CTNNA3: variants seen among roughly 807,000 people sequenced by gnomAD.
CTNNA3 encodes the protein catenin alpha 3, also known as catenin alpha-3.
A neutral mutation model predicts 95.7 loss-of-function variants in CTNNA3; 76 were observed. The ratio of observed to expected loss-of-function variants is 0.79; its 90% CI spans 0.66 to 0.96. CTNNA3 has a LOEUF of 0.96. Ranked by LOEUF, CTNNA3 falls within the 40% of genes least tolerant of loss-of-function variation. The pLI is 0.00. For synonymous variants in CTNNA3, 431 were observed against 374.4 expected, an observed-to-expected ratio of 1.15 and a Z score of -1.74; for missense variants, 1,191 against 1,089.8, an observed-to-expected ratio of 1.09 and a Z score of -1.31.
intron 5 of CTNNA3, among the ~76,000 whole-genome samples, chr10:67,438,938 G>A (rs7894396): frequency 0.086 from 13,104 of 152,170 alleles, 587 homozygotes; most frequent in Non-Finnish European, 0.099. Context: ...TCACCACTGC[G>A]GGCCAGAGAG....
At chr10:67,131,331 G>A (rs1859991611) in intron 7 of CTNNA3, among the ~76,000 whole-genome samples, 2 of 152,012 alleles carry the variant, frequency 1.3e-5, no homozygotes, top group Admixed American at 1.3e-4. Flanking sequence ...GTAAAATGGA[G>A]ACAATAATAG....
chr10:66,444,565 A>G (rs1040509362), intron 11 of CTNNA3, among the ~76,000 whole-genome samples: 4 of 152,182 alleles, frequency 2.6e-5, no homozygotes, highest in African/African-American at 9.7e-5. Context: ...TTTCATATCC[A>G]GCCAAACTAA....
chr10:67,181,758 T>C (rs962078348), intron 6 of CTNNA3, among the ~76,000 whole-genome samples: 2 of 152,088 alleles, frequency 1.3e-5, no homozygotes, highest in Non-Finnish European at 2.9e-5. Context: ...GTAGCCAGGA[T>C]ACAATTTTAA....
chr10:66,922,131 T>C (rs1042982667), intron 7 of CTNNA3, among the ~76,000 whole-genome samples: 5 of 152,214 alleles, frequency 3.3e-5, no homozygotes, highest in African/African-American at 1.2e-4. Context: ...AAATAAAAAG[T>C]CTTTAGATAC....
chr10:66,551,720 A>AGTGAATT (rs1842221209), intron 10 of CTNNA3, among the ~76,000 whole-genome samples: 1 of 151,876 alleles, frequency 6.6e-6, no homozygotes. Context: ...TAGGCATTTA[A>AGTGAATT]CTCAAGTTCC....
In CTNNA3 at chr10:66,613,491, G is replaced by A. The variant is rs578210895; in HGVS notation, c.1374+8201C>T. 7.9e-5 allele frequency among the ~76,000 whole-genome samples: 12 copies of A among 152,132 alleles called. No homozygotes were observed. The East Asian group carries it at 2.1e-3, about 27-fold the overall frequency. ...TGTAATTGGAACAAGATACAGGGCA[G>A]TGATAGGACAAAGGCACAGACATTT... On this transcript the variant is annotated intron_variant, in intron 10 of 17. Transcript: ENST00000433211.
chr10:67,760,022 G>A (rs753009310), intron 1 of CTNNA3, among the ~76,000 whole-genome samples: 9 of 152,260 alleles, frequency 5.9e-5, no homozygotes, highest in East Asian at 1.9e-4. Context: ...GTTGTTTTAC[G>A]CCACTAAGTT....
intron 5 of CTNNA3, among the ~76,000 whole-genome samples, chr10:67,249,434 T>A (rs1319676105): frequency 6.6e-6 from 1 of 152,180 alleles, no homozygotes; most frequent in African/African-American, 2.4e-5. Flanking sequence ...ACGCTTTAAA[T>A]CATCTCTAGA....
chr10:66,714,965 C>T (rs1848407252), intron 9 of CTNNA3, among the ~76,000 whole-genome samples: 1 of 152,092 alleles, frequency 6.6e-6, no homozygotes. Flanking sequence ...CCTTCCCACC[C>T]AGTGTTTTAG....
intron 5 of CTNNA3, among the ~76,000 whole-genome samples, chr10:67,313,718 G>C (rs1287136643): frequency 6.6e-6 from 1 of 152,106 alleles, no homozygotes; most frequent in Non-Finnish European, 1.5e-5. Flanking sequence ...CAAGATAGTA[G>C]CAACAAATAT....
chr10:66,780,597 G>A (rs1840494015), intron 7 of CTNNA3, among the ~76,000 whole-genome samples: 1 of 152,098 alleles, frequency 6.6e-6, no homozygotes, highest in Non-Finnish European at 1.5e-5. Context: ...CTGCTGAAGG[G>A]CTCATAAAGA....
Position 66,178,440 on chromosome 10 carries a change from T to TATATATACATATATATATATATAC in CTNNA3, c.1885-75192_1885-75191insGTATATATATATATATGTATATAT, listed in dbSNP as rs1231414006. 8.1e-3 allele frequency among the ~76,000 whole-genome samples: 856 copies of TATATATACATATATATATATATAC among 105,718 alleles called. 13 individuals are homozygous for TATATATACATATATATATATATAC. The highest frequency in any genetic ancestry group is 0.012 in the Non-Finnish European group (614 of 51,682). The allele number at this position is 105,718 out of a possible 152,430, so 69.4% of individuals were successfully genotyped here. On this transcript the variant is annotated intron_variant, in intron 13 of 17. Coordinates refer to ENST00000433211, the MANE Select transcript of CTNNA3 (RefSeq NM_013266.4). Reference sequence around the variant, plus strand: ...ATATATATATATATATATATATATATATACACACACAGATATAGAAAGAGA... The same window carrying TATATATACATATATATATATATAC: ...ATATATATATATATATATATATATATATATATACATATATATATATATACATACACACACAGATATAGAAAGAGA...
intron 13 of CTNNA3, among the ~76,000 whole-genome samples, chr10:66,227,321 T>C (rs1336148766): frequency 6.6e-6 from 1 of 152,096 alleles, no homozygotes; most frequent in African/African-American, 2.4e-5. Context: ...GGTTTTGTCA[T>C]ATGTGGCCTT....
intron 1 of CTNNA3, among the ~76,000 whole-genome samples, chr10:67,711,673 G>C (rs1021725555): frequency 6.6e-6 from 1 of 151,234 alleles, no homozygotes; most frequent in Non-Finnish European, 1.5e-5. Context: ...ATGCTGGTGC[G>C]CTGCACCCAC....
chr10:67,611,383 C>T (rs1040493000), intron 2 of CTNNA3, among the ~76,000 whole-genome samples: 1 of 151,960 alleles, frequency 6.6e-6, no homozygotes, highest in Non-Finnish European at 1.5e-5. Flanking sequence ...GCACGATCTC[C>T]GTTCACTGCA....
chr10:66,130,710 G>C (rs966494433), intron 13 of CTNNA3, among the ~76,000 whole-genome samples: 1 of 151,796 alleles, frequency 6.6e-6, no homozygotes, highest in African/African-American at 2.4e-5. Context: ...CAAAAAATGA[G>C]CCTGGCATGG....
At chr10:67,358,673 T>C (rs1480639125) in intron 5 of CTNNA3, among the ~76,000 whole-genome samples, 10 of 152,018 alleles carry the variant, frequency 6.6e-5, no homozygotes, top group Admixed American at 4.6e-4. Context: ...CCCATAGACA[T>C]ACCCCACAAC....
intron 7 of CTNNA3, among the ~76,000 whole-genome samples, chr10:67,024,901 C>T (rs1042810655): frequency 6.6e-6 from 1 of 151,928 alleles, no homozygotes; most frequent in African/African-American, 2.4e-5. Context: ...GGGGCCAAGG[C>T]GGGCGGATCA....
intron 5 of CTNNA3, among the ~76,000 whole-genome samples, chr10:67,454,879 CA>C (rs1204211768): frequency 1.3e-5 from 2 of 151,982 alleles, no homozygotes; most frequent in Non-Finnish European, 2.9e-5. Context: ...CTATTTTGTG[CA>C]AAACACAGTT....
Sources: gnomAD v4.1 joint callset for allele counts (sites outside exome capture counted in the v4.1 genomes callset) on GRCh38, gnomAD v4.1.1 for gene constraint, MANE v1.5 for transcripts, NCBI Gene and HGNC (gene_info 2026-07-23, HGNC 2026-07-21) for gene names.